Variants in POU6F2 observed in about 807,000 individuals in gnomAD.
POU6F2 encodes POU class 6 homeobox 2.
Under a neutral mutation model 71.3 loss-of-function variants are expected in POU6F2, and 31 were observed. The observed-to-expected ratio is 0.43, with a 90% CI of 0.33 to 0.59. The LOEUF is 0.59. POU6F2 is among the 20% of genes least tolerant of loss of function. The pLI, the probability that POU6F2 is intolerant of heterozygous loss-of-function variation, is 0.04. For missense variants in POU6F2, 783 were observed against 856.8 expected (o/e 0.91, Z 1.07); for synonymous variants, 347 against 355.7 (o/e 0.98, Z 0.27).
At chr7:39,008,253 T>C (rs1368442223) in intron 1 of POU6F2, among the ~76,000 whole-genome samples, 13 of 151,414 alleles carry the variant, frequency 8.6e-5, no homozygotes, top group South Asian at 4.2e-4. Context: ...ATTGTGGTTT[T>C]GATTTGCATT....
At chr7:39,376,121 A>G (rs578123708) in intron 5 of POU6F2, among the ~76,000 whole-genome samples, 158 of 152,280 alleles carry the variant, frequency 1.0e-3, no homozygotes, top group Non-Finnish European at 1.9e-3. Context: ...GGTGCTTTCA[A>G]TAATTGTCCT....
In POU6F2 at chr7:38,996,035, C is replaced by CTT. The variant is rs5883669; in HGVS notation, c.105+17998_105+17999dup. 6.5e-3 allele frequency among the ~76,000 whole-genome samples: 553 copies of CTT among 85,330 alleles called. 10 individuals are homozygous for CTT. The highest frequency in any genetic ancestry group is 0.026 in the African/African-American group (534 of 20,858). 56.0% of individuals were successfully genotyped at this position (85,330 alleles called of 152,430 possible). On this transcript the variant is annotated intron_variant, in intron 1 of 9. Transcript: ENST00000518318. ...TGAAGCTCCTTAGTAAGGGGCTTGG[C>CTT]TTTTTTTTTTTTTTTTTTTTTTAGA...
intron 9 of POU6F2, among the ~76,000 whole-genome samples, chr7:39,462,255 AC>A (rs1409288208): frequency 2.0e-5 from 3 of 152,204 alleles, no homozygotes; most frequent in African/African-American, 7.2e-5. Flanking sequence ...GTATAATAGA[AC>A]ATGTCTGATG....
At position 39,468,586 on chromosome 7, in the gene POU6F2, T is replaced by G. The variant is rs916186514; in HGVS notation, c.*3900T>G. 1 of 152,178 alleles carries G rather than the reference T, an allele frequency of 6.6e-6. No homozygotes were observed. The highest frequency in any genetic ancestry group is 2.4e-5 in the African/African-American group (1 of 41,436). 9.4% of individuals were successfully genotyped at this position (152,178 alleles called of 1,614,324 possible). On this transcript the variant is annotated 3_prime_UTR_variant, in exon 10 of 10. Coordinates refer to ENST00000518318, the MANE Select transcript of POU6F2 (RefSeq NM_001370959.1). ...TTTAATTTGTACCATAAAAAATAAA[T>G]AATTGTTTGACATGAGCTTCTAGGC...
intron 1 of POU6F2, among the ~76,000 whole-genome samples, chr7:38,999,865 T>C (rs1788850372): frequency 6.6e-6 from 1 of 152,186 alleles, no homozygotes; most frequent in Non-Finnish European, 1.5e-5. Flanking sequence ...CAACAATCAG[T>C]CTGGTTATGA....
At chr7:39,044,028 C>G (rs1790243350) in intron 1 of POU6F2, among the ~76,000 whole-genome samples, 2 of 151,796 alleles carry the variant, frequency 1.3e-5, no homozygotes, top group African/African-American at 2.4e-5. Context: ...TCAGAATCAC[C>G]AGGTTTCCAG....
At chr7:39,216,597 A>C (rs1584606908) in intron 4 of POU6F2, among the ~76,000 whole-genome samples, 1 of 152,118 alleles carries the variant, frequency 6.6e-6, no homozygotes, top group Non-Finnish European at 1.5e-5. Flanking sequence ...GATCGTGGTG[A>C]TGGTTCACTA....
chr7:39,365,773 A>G (rs1222416296), intron 5 of POU6F2, among the ~76,000 whole-genome samples: 1 of 152,236 alleles, frequency 6.6e-6, no homozygotes, highest in Admixed American at 6.5e-5. Context: ...AGAATGAGAA[A>G]GGAGGTGCTA....
chr7:39,095,188 T>C (rs1029459477), intron 2 of POU6F2, among the ~76,000 whole-genome samples: 1 of 152,220 alleles, frequency 6.6e-6, no homozygotes, highest in Non-Finnish European at 1.5e-5. Flanking sequence ...TAAGTGTTGA[T>C]TGGCTCATTT....
chr7:39,198,761 TA>T (rs1793834091), intron 2 of POU6F2, among the ~76,000 whole-genome samples: 1 of 152,140 alleles, frequency 6.6e-6, no homozygotes, highest in East Asian at 1.9e-4. Context: ...TAACTGGCAA[TA>T]AAAAGTGGCA....
At chr7:39,264,927 T>C (rs1487698311) in intron 4 of POU6F2, among the ~76,000 whole-genome samples, 1 of 152,064 alleles carries the variant, frequency 6.6e-6, no homozygotes, top group Non-Finnish European at 1.5e-5. Flanking sequence ...ACTGCAAATG[T>C]CTACACATCA....
At chr7:39,130,143 GGTAGGT>G (rs1389855635) in intron 2 of POU6F2, among the ~76,000 whole-genome samples, 2 of 88,220 alleles carry the variant, frequency 2.3e-5, no homozygotes, top group Non-Finnish European at 4.4e-5. Context: ...TAAAGAAAGG[GGTAGGT>G]GTGTGTGTGT....
chr7:39,263,754 A>AT (rs1562768718), intron 4 of POU6F2, among the ~76,000 whole-genome samples: 1 of 152,046 alleles, frequency 6.6e-6, no homozygotes, highest in African/African-American at 2.4e-5. Flanking sequence ...GCAGAACAGC[A>AT]TTTTTTTATT....
At chr7:39,068,052 T>A (rs12537542) in intron 1 of POU6F2, among the ~76,000 whole-genome samples, 10,248 of 152,202 alleles carry the variant, frequency 0.067, 645 homozygotes, top group African/African-American at 0.16. Context: ...AAAATTTTAT[T>A]TTTTGTGTGA....
chr7:39,015,955 A>G lies in POU6F2; in HGVS notation c.105+37897A>G, dbSNP rs1229362706. On this transcript the variant is annotated intron_variant, in intron 1 of 9. Transcript: ENST00000518318. ...TATAATATATAGATATATATTATAT[A>G]TTGTATATTGATATATATTATATAT... 1.1e-3 allele frequency among the ~76,000 whole-genome samples: 105 copies of G among 94,724 alleles called. 12 individuals carry two copies. Among genetic ancestry groups the G allele is most frequent in the African/African-American group, 4.4e-3 (99 of 22,256 alleles). 62.1% of individuals were successfully genotyped at this position (94,724 alleles called of 152,430 possible).
chr7:39,145,838 A>T (rs1392529621), intron 2 of POU6F2, among the ~76,000 whole-genome samples: 1 of 152,172 alleles, frequency 6.6e-6, no homozygotes, highest in Non-Finnish European at 1.5e-5. Context: ...ATTCATTTTT[A>T]CTTATTTGCT....
intron 2 of POU6F2, among the ~76,000 whole-genome samples, chr7:39,194,928 C>G (rs1182816898): frequency 6.6e-6 from 1 of 152,096 alleles, no homozygotes; most frequent in African/African-American, 2.4e-5. Flanking sequence ...GACCAAGAAC[C>G]CACCAGAAGG....
At chr7:39,045,730 A>G (rs1482304521) in intron 1 of POU6F2, among the ~76,000 whole-genome samples, 2 of 151,668 alleles carry the variant, frequency 1.3e-5, no homozygotes, top group Non-Finnish European at 2.9e-5. Context: ...CTCCACTCCT[A>G]CCCCTACCCC....
intron 5 of POU6F2, among the ~76,000 whole-genome samples, chr7:39,369,290 G>A (rs1212888385): frequency 1.3e-5 from 2 of 151,960 alleles, no homozygotes; most frequent in South Asian, 2.1e-4. Context: ...CATCAACATC[G>A]AGGCAAGACC....
Sources: allele counts gnomAD v4.1 joint callset (sites outside exome capture counted in the v4.1 genomes callset), GRCh38; gene constraint gnomAD v4.1.1; transcripts MANE v1.5; gene names NCBI Gene and HGNC (gene_info 2026-07-23, HGNC 2026-07-21).